Variants in GOT1 observed in about 807,000 individuals in gnomAD.
GOT1 encodes glutamic-oxaloacetic transaminase 1.
Under a neutral mutation model 48.2 loss-of-function variants are expected in GOT1, and 25 were observed. The ratio of observed to expected loss-of-function variants is 0.52; its 90% confidence interval spans 0.38 to 0.72. The LOEUF (loss-of-function observed/expected upper bound fraction) is 0.72, where lower values mean the gene tolerates loss of function less well. Among genes scored for constraint, GOT1 ranks in the 30% least tolerant of loss-of-function variants. GOT1 has a pLI of 0.00. For missense variants in GOT1, 380 were observed against 520.1 expected, an observed-to-expected ratio of 0.73 and a Z score of 2.62; for synonymous variants, 188 against 193.8, an observed-to-expected ratio of 0.97 and a Z score of 0.25.
At chr10:99,412,517 G>A (rs185659880) in intron 2 of GOT1, among the ~76,000 whole-genome samples, 1 of 151,662 alleles carries the variant, frequency 6.6e-6, no homozygotes. Context: ...CCAAGCAGAA[G>A]AAAGGCTCAG....
chr10:99,415,307 T>A (rs1368514283), intron 2 of GOT1, among the ~76,000 whole-genome samples: 1 of 152,104 alleles, frequency 6.6e-6, no homozygotes, highest in African/African-American at 2.4e-5. Context: ...GAGAATACTA[T>A]AAACACCTCT....
chr10:99,411,646 T>C (rs1158468969), intron 2 of GOT1, among the ~76,000 whole-genome samples: 2 of 152,228 alleles, frequency 1.3e-5, no homozygotes, highest in African/African-American at 2.4e-5. Flanking sequence ...CTTACTGATA[T>C]AGTCAAAAAG....
At chr10:99,406,395 T>C in intron 3 of GOT1, 146 bp from the exon 4 acceptor site, 2 of 651,862 alleles carry the variant, frequency 3.1e-6, no homozygotes, top group Admixed American at 2.6e-5. Flanking sequence ...AGAGGAATGA[T>C]TGTAACCAAG....
intron 2 of GOT1, among the ~76,000 whole-genome samples, chr10:99,414,161 T>A (rs2032863874): frequency 6.6e-6 from 1 of 151,768 alleles, no homozygotes. Flanking sequence ...GGATAAAGAG[T>A]CAAGACCCAT....
chr10:99,415,119 C>CA (rs1301865759), intron 2 of GOT1, among the ~76,000 whole-genome samples: 68 of 152,162 alleles, frequency 4.5e-4, no homozygotes, highest in Non-Finnish European at 9.0e-4. Context: ...GACAGAGACA[C>CA]AAAAAACCCT....
intron 2 of GOT1, among the ~76,000 whole-genome samples, chr10:99,418,426 G>A (rs2032925129): frequency 6.6e-6 from 1 of 151,342 alleles, no homozygotes; most frequent in South Asian, 2.1e-4. Flanking sequence ...TCATTTGTCA[G>A]CAACAGAATT....
chr10:99,422,175 TTA>T, intron 1 of GOT1, among the ~76,000 whole-genome samples: 1 of 152,284 alleles, frequency 6.6e-6, no homozygotes, highest in South Asian at 2.1e-4. Context: ...ATCTGGTTTT[TTA>T]AAAGTGTATA....
At chr10:99,429,320 T>A (rs1042750212) in intron 1 of GOT1, among the ~76,000 whole-genome samples, 2 of 151,746 alleles carry the variant, frequency 1.3e-5, no homozygotes, top group African/African-American at 4.8e-5. Flanking sequence ...AGTGCTGGGA[T>A]TACAGGCCTG....
chr10:99,397,621 C>T lies in GOT1; in HGVS notation c.1168G>A (p.Val390Met), dbSNP rs769642084. 8.1e-6 allele frequency: 13 copies of T among 1,613,954 alleles called. No individual in the cohort carries two copies. Among genetic ancestry groups the T allele is most frequent in the Middle Eastern group, 1.7e-4 (1 of 6,060 alleles). Residue 390 changes from valine (V) to methionine (M), a missense_variant, in exon 9 of 9, where the codon GTG becomes ATG. Physicochemically the swap from Val to Met is conservative, Grantham distance 21. Transcript: ENST00000370508. This position sits in a 1 kb window ranked among gnomAD's most constrained non-coding sequence, Gnocchi z 5.4. ...IYLLPSGRIN[V>M]SGLTTKNLDY... ...AGATTTTTGGTGGTTAAGCCACTCA[C>T]GTTGATTCGACCACTTGGCAGCAGG... is the stretch of plus-strand genomic sequence containing the variant.
chr10:99,428,295 C>T (rs2033066479), intron 1 of GOT1, among the ~76,000 whole-genome samples: 1 of 152,084 alleles, frequency 6.6e-6, no homozygotes, highest in South Asian at 2.1e-4. Context: ...TCACAGAAAC[C>T]CTGTAAGATA....
intron 2 of GOT1, among the ~76,000 whole-genome samples, chr10:99,412,450 G>A (rs1246670799): frequency 6.6e-6 from 1 of 151,672 alleles, no homozygotes; most frequent in African/African-American, 2.4e-5. Context: ...GAGGCAGGAA[G>A]GTAAATTAAG....
intron 2 of GOT1, among the ~76,000 whole-genome samples, chr10:99,410,446 T>G (rs2032815011): frequency 6.6e-6 from 1 of 152,192 alleles, no homozygotes. Context: ...AACTTTTCAC[T>G]CCACCCTTTC....
At chr10:99,414,480 CAAT>C (rs2032868416) in intron 2 of GOT1, among the ~76,000 whole-genome samples, 1 of 152,096 alleles carries the variant, frequency 6.6e-6, no homozygotes, top group African/African-American at 2.4e-5. Flanking sequence ...GACTCCCATA[CAAT>C]AATAATAGGA....
At chr10:99,398,720 T>A (rs186674303) in intron 8 of GOT1, among the ~76,000 whole-genome samples, 14 of 152,290 alleles carry the variant, frequency 9.2e-5, no homozygotes, top group Non-Finnish European at 1.9e-4. Context: ...TTAGTACCTT[T>A]AAGATACCAC....
chr10:99,405,299 C>A (rs1170270047), intron 5 of GOT1, among the ~76,000 whole-genome samples: 1 of 152,034 alleles, frequency 6.6e-6, no homozygotes, highest in Non-Finnish European at 1.5e-5. Context: ...AATTTTTCAT[C>A]AGATCAAGCA....
chr10:99,411,387 A>G (rs1197351311), intron 2 of GOT1, among the ~76,000 whole-genome samples: 1 of 152,254 alleles, frequency 6.6e-6, no homozygotes, highest in East Asian at 1.9e-4. Context: ...GGTCTCCTCA[A>G]AATGGGTAAA....
intron 8 of GOT1, among the ~76,000 whole-genome samples, chr10:99,400,372 G>A (rs1024367192): frequency 5.3e-5 from 8 of 152,222 alleles, no homozygotes; most frequent in African/African-American, 1.9e-4. Context: ...CTGGCCAGGT[G>A]CAGTGGCTCA....
At chr10:99,428,347 T>A (rs2033067092) in intron 1 of GOT1, among the ~76,000 whole-genome samples, 1 of 150,794 alleles carries the variant, frequency 6.6e-6, no homozygotes, top group Non-Finnish European at 1.5e-5. Flanking sequence ...TCTGACGTGG[T>A]TTTTTGTTTT....
At chr10:99,423,762 C>T (rs1347723878) in intron 1 of GOT1, among the ~76,000 whole-genome samples, 2 of 152,174 alleles carry the variant, frequency 1.3e-5, no homozygotes, top group Non-Finnish European at 2.9e-5. Flanking sequence ...AATTCTCTTG[C>T]CTCAGCTTCC....
Sources: allele counts gnomAD v4.1 joint callset (sites outside exome capture counted in the v4.1 genomes callset), GRCh38; gene constraint gnomAD v4.1.1; non-coding constraint Gnocchi (gnomAD v3.1); transcripts MANE v1.5; gene names NCBI Gene and HGNC (gene_info 2026-07-23, HGNC 2026-07-21).